PCCB: variants seen among roughly 807,000 people sequenced by gnomAD.
PCCB encodes the protein propionyl-CoA carboxylase beta chain, mitochondrial.
In PCCB, 43 loss-of-function variants were observed where a neutral mutation model predicts 60.7. That is an observed-to-expected ratio of 0.71 (90% CI 0.55 to 0.91). PCCB has a LOEUF of 0.91. PCCB is among the 40% of genes least tolerant of loss of function. The probability of loss-of-function intolerance (pLI) is 0.00; values close to 1 mark genes in which losing one functional copy is unlikely to be tolerated. For synonymous variants in PCCB, 276 were observed against 255.9 expected, an observed-to-expected ratio of 1.08 and a Z score of -0.75; for missense variants, 766 against 702.8, an observed-to-expected ratio of 1.09 and a Z score of -1.02.
intron 10 of PCCB, among the ~76,000 whole-genome samples, chr3:136,325,677 A>T (rs1473987983): frequency 6.6e-5 from 10 of 151,572 alleles, no homozygotes. Flanking sequence ...TCATGAATGG[A>T]TATTAAATTT....
intron 14 of PCCB, 99 bp downstream of exon 14, chr3:136,328,956 A>G (rs1935435116): frequency 1.1e-6 from 1 of 952,340 alleles, no homozygotes; most frequent in Non-Finnish European, 1.7e-6. Context: ...TTGCCTTTGC[A>G]GTCTAATCTG....
chr3:136,264,854 G>A (rs1268194865), intron 5 of PCCB, among the ~76,000 whole-genome samples: 7 of 122,168 alleles, frequency 5.7e-5, no homozygotes, highest in African/African-American at 1.2e-4. Flanking sequence ...TAGCCTGGGC[G>A]ACAGAGCAAG....
At chr3:136,285,088 CAAAA>C (rs61543332) in intron 6 of PCCB, among the ~76,000 whole-genome samples, 8 of 107,128 alleles carry the variant, frequency 7.5e-5, no homozygotes, top group Admixed American at 9.5e-5. Context: ...GACCCTGCCT[CAAAA>C]AAAAAAAAAA....
chr3:136,329,860 A>T, intron 14 of PCCB, 45 bp from the exon 15 acceptor site: 1 of 1,611,974 alleles, frequency 6.2e-7, no homozygotes, highest in Admixed American at 1.7e-5. Flanking sequence ...GGGTGGCATC[A>T]TCTCGGGATG....
chr3:136,305,764 AAG>A (rs1934436344), intron 9 of PCCB, among the ~76,000 whole-genome samples: 1 of 119,820 alleles, frequency 8.3e-6, no homozygotes, highest in Non-Finnish European at 1.9e-5. Context: ...AAAAAAAAGA[AAG>A]AAAAAAAGTG....
At chr3:136,290,978 A>C (rs1178510609) in intron 6 of PCCB, among the ~76,000 whole-genome samples, 1 of 151,948 alleles carries the variant, frequency 6.6e-6, no homozygotes, top group Non-Finnish European at 1.5e-5. Flanking sequence ...TTCCTCAAGC[A>C]TGCCCAGTCT....
chr3:136,324,770 C>A lies in PCCB; in HGVS notation c.1091-2033C>A, dbSNP rs530713784. 2.8e-4 allele frequency among the ~76,000 whole-genome samples: 42 copies of A among 152,312 alleles called. No individual in the cohort carries two copies. In the South Asian group the frequency reaches 7.7e-3, roughly 28 times the overall value. ...GTGTTCCTTGTGTCAGTCCTTCAGGCAGCCCACAGACAGGTTAGAGCAGAC... is the reference window on the plus strand; with the variant it reads ...GTGTTCCTTGTGTCAGTCCTTCAGGAAGCCCACAGACAGGTTAGAGCAGAC... On this transcript the variant is annotated intron_variant, in intron 10 of 14. Coordinates refer to ENST00000251654, the MANE Select transcript of PCCB (RefSeq NM_000532.5).
chr3:136,326,459 G>GA, intron 10 of PCCB: 5 of 699,042 alleles, frequency 7.2e-6, no homozygotes, highest in South Asian at 6.0e-5. Context: ...GCCAGAATCT[G>GA]ATTGGAAGCT....
chr3:136,263,318 T>C (rs1941881335), intron 5 of PCCB, among the ~76,000 whole-genome samples: 2 of 147,898 alleles, frequency 1.4e-5, no homozygotes, highest in Non-Finnish European at 3.0e-5. Context: ...CAGGCTGGAA[T>C]GCAGTGGCAT....
chr3:136,251,243 G>A (rs1475863196), intron 1 of PCCB: 7 of 456,578 alleles, frequency 1.5e-5, no homozygotes, highest in Non-Finnish European at 3.1e-5. Context: ...GTTTTGAGGC[G>A]AGAATCCAGC....
intron 6 of PCCB, among the ~76,000 whole-genome samples, chr3:136,284,894 C>T (rs1197315582): frequency 6.6e-6 from 1 of 151,968 alleles, no homozygotes; most frequent in Non-Finnish European, 1.5e-5. Flanking sequence ...TTAGACCAGC[C>T]TAGGCAACGT....
chr3:136,259,238 G>T, intron 3 of PCCB: 1 of 1,036,834 alleles, frequency 9.6e-7, no homozygotes, highest in South Asian at 2.5e-5. Flanking sequence ...AGGCCGAGGT[G>T]GGTAGATCAC....
At chr3:136,264,823 C>T (rs1009152803) in intron 5 of PCCB, among the ~76,000 whole-genome samples, 2 of 127,270 alleles carry the variant, frequency 1.6e-5, no homozygotes, top group Non-Finnish European at 3.1e-5. Context: ...TGCAGTCAGC[C>T]AAGATTGCGC....
At chr3:136,251,402 C>G (rs1941511676) in intron 1 of PCCB, 70 of 445,042 alleles carry the variant, frequency 1.6e-4, no homozygotes, top group South Asian at 1.1e-3. Flanking sequence ...AAGTGAAACT[C>G]TTACAGATGA....
chr3:136,293,632 A>C, intron 6 of PCCB, 124 bp from the exon 7 acceptor site: 1 of 773,816 alleles, frequency 1.3e-6, no homozygotes. Context: ...TTTAAGCTAC[A>C]TCCTATCCTC....
intron 5 of PCCB, among the ~76,000 whole-genome samples, chr3:136,267,337 T>G (rs541479983): frequency 6.6e-6 from 1 of 152,172 alleles, no homozygotes; most frequent in South Asian, 2.1e-4. Flanking sequence ...AGGCACACAC[T>G]AGTACACCCA....
chr3:136,250,510 C>T lies in PCCB; in HGVS notation c.135C>T (p.Thr45=). ...AACGCATCGAAAACAAGCGCCGGAC[C>T]GCGCTGCTGGGAGGGGGCCAACGCC... ...VNERIENKRR[T]ALLGGGQRRI... The change falls in exon 1 of 15, where the codon ACC becomes ACT. Residue 45 remains threonine, a synonymous_variant. Transcript: ENST00000251654. 2 of 1,612,986 alleles carry T rather than the reference C, an allele frequency of 1.2e-6. No individual in the cohort carries two copies. Among genetic ancestry groups the T allele is most frequent in the Non-Finnish European group, 1.7e-6 (2 of 1,179,722 alleles).
intron 9 of PCCB, among the ~76,000 whole-genome samples, chr3:136,315,431 T>A (rs572550419): frequency 2.6e-5 from 4 of 152,156 alleles, no homozygotes; most frequent in Non-Finnish European, 4.4e-5. Flanking sequence ...CTCGGGAGGC[T>A]TAGGAGAATT....
intron 9 of PCCB, among the ~76,000 whole-genome samples, chr3:136,305,225 G>A (rs1175237282): frequency 8.4e-6 from 1 of 118,626 alleles, no homozygotes; most frequent in African/African-American, 2.5e-5. Flanking sequence ...CTCTCAAGTA[G>A]CTGGGATTAC....
Sources: gnomAD v4.1 joint callset for allele counts (sites outside exome capture counted in the v4.1 genomes callset) on GRCh38, gnomAD v4.1.1 for gene constraint, MANE v1.5 for transcripts, NCBI Gene and HGNC (gene_info 2026-07-23, HGNC 2026-07-21) for gene names.